Variants in TENM2 observed in about 807,000 individuals in gnomAD.
The protein encoded by TENM2 is teneurin-2.
A neutral mutation model predicts 245.2 loss-of-function variants in TENM2; 52 were observed. The ratio of observed to expected loss-of-function variants is 0.21; its 90% confidence interval spans 0.17 to 0.27. The LOEUF (loss-of-function observed/expected upper bound fraction) is 0.27, where lower values mean the gene tolerates loss of function less well. TENM2 is among the 10% of genes least tolerant of loss of function. TENM2 has a pLI of 1.00. For missense variants in TENM2, 3,046 were observed against 3,666.8 expected, an observed-to-expected ratio of 0.83 and a Z score of 4.37; for synonymous variants, 1,363 against 1,438.9, an observed-to-expected ratio of 0.95 and a Z score of 1.19.
At chr5:167,644,897 G>A (rs921011762) in intron 2 of TENM2, among the ~76,000 whole-genome samples, 15 of 152,104 alleles carry the variant, frequency 9.9e-5, no homozygotes, top group African/African-American at 3.6e-4. Flanking sequence ...CATCATTGTG[G>A]GAATATGCGA....
chr5:168,115,428 G>A (rs1479664146), intron 9 of TENM2, among the ~76,000 whole-genome samples: 7 of 130,048 alleles, frequency 5.4e-5, no homozygotes, highest in Admixed American at 3.1e-4. Flanking sequence ...AGGAAGGAAA[G>A]AAAAAAAAAG....
At chr5:168,076,945 T>G (rs1049420228) in intron 7 of TENM2, among the ~76,000 whole-genome samples, 1 of 152,170 alleles carries the variant, frequency 6.6e-6, no homozygotes, top group African/African-American at 2.4e-5. Context: ...TTAGGCTTAT[T>G]GAGAAGACTA....
At chr5:167,915,662 A>T (rs1212463446) in intron 3 of TENM2, among the ~76,000 whole-genome samples, 1 of 152,130 alleles carries the variant, frequency 6.6e-6, no homozygotes, top group East Asian at 1.9e-4. Context: ...CAACAACAAA[A>T]ATTAAAGGCA....
chr5:167,717,802 C>T lies in TENM2; in HGVS notation c.503-158184C>T, dbSNP rs1003023928. On this transcript the variant is annotated intron_variant, in intron 2 of 28. Coordinates refer to ENST00000518659, the Ensembl canonical transcript of TENM2. ...TGATTAAAATAAATACAGACTGTAA[C>T]CTCTGTGGGGTAGAAACTGTATCTG... Among the ~76,000 whole-genome samples the T allele has an allele frequency of 2.0e-4, 30 of 152,122 alleles. 1 individual carries two copies. Among genetic ancestry groups the T allele is most frequent in the Non-Finnish European group, 7.4e-5 (5 of 68,022 alleles).
intron 12 of TENM2, chr5:168,139,499 C>T (rs1755347505): frequency 2.2e-6 from 1 of 456,324 alleles, no homozygotes; most frequent in African/African-American, 2.0e-5. Flanking sequence ...CTGGCAAAGG[C>T]TAGAAGTGAG....
intron 1 of TENM2, among the ~76,000 whole-genome samples, chr5:167,322,330 T>A (rs924418231): frequency 2.6e-5 from 4 of 152,138 alleles, no homozygotes; most frequent in Non-Finnish European, 5.9e-5. Flanking sequence ...GCACTTGGCT[T>A]TGTATTCTGG....
intron 19 of TENM2, among the ~76,000 whole-genome samples, chr5:168,208,855 A>AAT (rs1333749053): frequency 2.0e-5 from 3 of 152,190 alleles, no homozygotes; most frequent in African/African-American, 7.2e-5. Context: ...TGAAATGAGA[A>AAT]ATGAAATGGA....
chr5:167,507,654 A>T (rs933503958), intron 2 of TENM2, among the ~76,000 whole-genome samples: 1 of 152,154 alleles, frequency 6.6e-6, no homozygotes, highest in African/African-American at 2.4e-5. Context: ...AACCCTGTCA[A>T]ACTGTATCAG....
intron 5 of TENM2, among the ~76,000 whole-genome samples, chr5:168,028,274 C>T (rs541399317): frequency 1.3e-5 from 2 of 152,266 alleles, no homozygotes; most frequent in East Asian, 3.9e-4. Flanking sequence ...CCTCAGGTTC[C>T]ACCCGGGAAT....
At chr5:168,081,911 G>T (rs1030251890) in intron 7 of TENM2, among the ~76,000 whole-genome samples, 15 of 152,068 alleles carry the variant, frequency 9.9e-5, no homozygotes, top group Admixed American at 6.5e-5. Flanking sequence ...TATGTGTCTT[G>T]GAGTTGCTCT....
At chr5:167,826,568 A>C (rs1767987865) in intron 2 of TENM2, among the ~76,000 whole-genome samples, 1 of 152,218 alleles carries the variant, frequency 6.6e-6, no homozygotes, top group Non-Finnish European at 1.5e-5. Context: ...TTGTTTTCAA[A>C]AACACTTTTT....
intron 2 of TENM2, among the ~76,000 whole-genome samples, chr5:167,385,081 TTAAA>T (rs1761338183): frequency 1.3e-5 from 2 of 152,174 alleles, no homozygotes; most frequent in Non-Finnish European, 2.9e-5. Flanking sequence ...AACCAAATGA[TTAAA>T]TAATAAAGTA....
intron 2 of TENM2, among the ~76,000 whole-genome samples, chr5:167,678,664 T>C (rs1157324131): frequency 6.6e-6 from 1 of 151,936 alleles, no homozygotes; most frequent in Non-Finnish European, 1.5e-5. Flanking sequence ...AGTGAGTGAG[T>C]GTGTGGCTGA....
intron 2 of TENM2, among the ~76,000 whole-genome samples, chr5:167,394,801 T>G (rs1348039679): frequency 6.6e-6 from 1 of 152,118 alleles, no homozygotes. Context: ...TTCACCATGT[T>G]GCCCAGGCTG....
chr5:168,097,138 A>G (rs534514618), intron 8 of TENM2, among the ~76,000 whole-genome samples: 1 of 152,352 alleles, frequency 6.6e-6, no homozygotes, highest in Non-Finnish European at 1.5e-5. Flanking sequence ...TAAGCAGTCT[A>G]TGCATTTGGG....
At chr5:167,906,621 A>G (rs1482446633) in intron 3 of TENM2, among the ~76,000 whole-genome samples, 1 of 152,222 alleles carries the variant, frequency 6.6e-6, no homozygotes, top group African/African-American at 2.4e-5. Flanking sequence ...TCTTGACTCC[A>G]CATAGACCAT....
intron 27 of TENM2, among the ~76,000 whole-genome samples, chr5:168,252,103 C>T (rs1767167333): frequency 6.6e-6 from 1 of 152,090 alleles, no homozygotes; most frequent in African/African-American, 2.4e-5. Flanking sequence ...CTGGGCCAGG[C>T]ATGGTGGCTT....
chr5:167,054,417 G>C, the TENM2 span, among the ~76,000 whole-genome samples: 1 of 152,058 alleles, frequency 6.6e-6, no homozygotes, highest in East Asian at 1.9e-4. Flanking sequence ...ATATAATACA[G>C]TTTATTCATT....
intron 2 of TENM2, among the ~76,000 whole-genome samples, chr5:167,732,848 T>G (rs372885328): frequency 3.9e-5 from 6 of 152,158 alleles, no homozygotes; most frequent in South Asian, 4.1e-4. Context: ...GCCTTGAAAT[T>G]GAAGATGTTT....
Sources: allele counts gnomAD v4.1 joint callset (sites outside exome capture counted in the v4.1 genomes callset), GRCh38; gene constraint gnomAD v4.1.1; transcripts MANE v1.5; gene names NCBI Gene and HGNC (gene_info 2026-07-23, HGNC 2026-07-21).